GPD2: variants seen among roughly 807,000 people sequenced by gnomAD.
GPD2 encodes the protein glycerol-3-phosphate dehydrogenase, mitochondrial.
A neutral mutation model predicts 82.4 loss-of-function variants in GPD2; 54 were observed. That is an observed-to-expected ratio of 0.66 (90% CI 0.53 to 0.82). GPD2 has a LOEUF of 0.82. GPD2 is among the 40% of genes least tolerant of loss of function. The probability of loss-of-function intolerance (pLI) is 0.00; values close to 1 mark genes in which losing one functional copy is unlikely to be tolerated. For missense variants in GPD2, 748 were observed against 896.2 expected, an observed-to-expected ratio of 0.83 and a Z score of 2.11; for synonymous variants, 288 against 306.1, an observed-to-expected ratio of 0.94 and a Z score of 0.62.
At chr2:156,541,824 G>GTTTTTGT (rs1686326836) in intron 6 of GPD2, among the ~76,000 whole-genome samples, 1 of 81,468 alleles carries the variant, frequency 1.2e-5, no homozygotes, top group Non-Finnish European at 2.2e-5. Flanking sequence ...AATGCTGTTT[G>GTTTTTGT]TTTTTTTTTT....
intron 1 of GPD2, among the ~76,000 whole-genome samples, chr2:156,471,672 A>T (rs1214170729): frequency 1.3e-5 from 2 of 152,184 alleles, no homozygotes; most frequent in Non-Finnish European, 2.9e-5. Flanking sequence ...TCCTGTCTTC[A>T]CTGAAGCCTT....
chr2:156,403,162 T>A, the GPD2 span, among the ~76,000 whole-genome samples: 1 of 146,048 alleles, frequency 6.8e-6, no homozygotes. Context: ...AAAAGTCTTA[T>A]GTAAAACATT....
At chr2:156,522,465 T>C (rs772329128) in intron 6 of GPD2, among the ~76,000 whole-genome samples, 6 of 152,188 alleles carry the variant, frequency 3.9e-5, no homozygotes, top group Non-Finnish European at 8.8e-5. Flanking sequence ...TGTGGTTCAG[T>C]TGACCCATTT....
At chr2:156,498,721 G>A (rs934961343) in intron 3 of GPD2, among the ~76,000 whole-genome samples, 2 of 152,082 alleles carry the variant, frequency 1.3e-5, no homozygotes, top group South Asian at 4.1e-4. Flanking sequence ...ATAAGCATAG[G>A]CTTTCAAGAG....
At chr2:156,544,266 G>A (rs181244606) in intron 6 of GPD2, among the ~76,000 whole-genome samples, 21 of 152,280 alleles carry the variant, frequency 1.4e-4, no homozygotes, top group African/African-American at 5.1e-4. Flanking sequence ...GGTACCATTA[G>A]GCTAACCTGG....
upstream of GPD2, among the ~76,000 whole-genome samples, chr2:156,432,794 A>G (rs543970071): frequency 6.6e-6 from 1 of 152,348 alleles, no homozygotes; most frequent in East Asian, 1.9e-4. Context: ...AGTGGGAACT[A>G]TAGAGCAGAG....
At chr2:156,519,661 A>G (rs1489373622) in intron 6 of GPD2, among the ~76,000 whole-genome samples, 1 of 152,216 alleles carries the variant, frequency 6.6e-6, no homozygotes, top group Non-Finnish European at 1.5e-5. Flanking sequence ...TGGGATCTGC[A>G]ACTGTCCTTA....
chr2:156,538,744 C>A (rs2105318215), intron 6 of GPD2, among the ~76,000 whole-genome samples: 1 of 149,866 alleles, frequency 6.7e-6, no homozygotes, highest in East Asian at 2.0e-4. Flanking sequence ...TGGTGTGAAT[C>A]CAGGAGGGGG....
At chr2:156,447,794 A>G (rs1682419814) in intron 1 of GPD2, among the ~76,000 whole-genome samples, 1 of 152,146 alleles carries the variant, frequency 6.6e-6, no homozygotes, top group African/African-American at 2.4e-5. Context: ...ATCTCTCTGC[A>G]GGTTCTTTGC....
At chr2:156,529,804 G>A (rs1224983760) in intron 6 of GPD2, among the ~76,000 whole-genome samples, 1 of 151,898 alleles carries the variant, frequency 6.6e-6, no homozygotes, top group Non-Finnish European at 1.5e-5. Context: ...CTATATCTCT[G>A]TTTTCGTACC....
At chr2:156,494,069 T>G (rs1359485477) in intron 2 of GPD2, among the ~76,000 whole-genome samples, 4 of 152,022 alleles carry the variant, frequency 2.6e-5, no homozygotes, top group African/African-American at 9.7e-5. Flanking sequence ...TAAATGTATA[T>G]AAAGGTAAAA....
chr2:156,469,255 G>T (rs1172433948), intron 1 of GPD2, among the ~76,000 whole-genome samples: 2 of 152,150 alleles, frequency 1.3e-5, no homozygotes, highest in Non-Finnish European at 2.9e-5. Flanking sequence ...CACCTCCCAG[G>T]TTCACGTGAT....
upstream of GPD2, among the ~76,000 whole-genome samples, chr2:156,432,608 T>C (rs1688330502): frequency 6.6e-6 from 1 of 152,266 alleles, no homozygotes; most frequent in South Asian, 2.1e-4. Context: ...TTTGTTCTTT[T>C]TTAGGGCTGT....
chr2:156,469,260 C>T (rs1374439119), intron 1 of GPD2, among the ~76,000 whole-genome samples: 2 of 152,122 alleles, frequency 1.3e-5, no homozygotes, highest in African/African-American at 2.4e-5. Flanking sequence ...CCCAGGTTCA[C>T]GTGATTTTCC....
At chr2:156,477,055 G>T (rs897574756) in intron 2 of GPD2, among the ~76,000 whole-genome samples, 21 of 152,166 alleles carry the variant, frequency 1.4e-4, no homozygotes, top group African/African-American at 4.6e-4. Flanking sequence ...TATACTTCTT[G>T]TTTCTGTTTC....
At chr2:156,444,080 C>T (rs1682272119) in intron 1 of GPD2, among the ~76,000 whole-genome samples, 1 of 152,164 alleles carries the variant, frequency 6.6e-6, no homozygotes, top group Non-Finnish European at 1.5e-5. Context: ...GGTGGCTGGA[C>T]TGGATGAATT....
At chr2:156,567,163 G>A (rs909322662) in intron 9 of GPD2, among the ~76,000 whole-genome samples, 3 of 151,812 alleles carry the variant, frequency 2.0e-5, no homozygotes, top group Admixed American at 2.0e-4. Flanking sequence ...ATTCTATGAG[G>A]TACCTTTTCA....
chr2:156,535,222 T>C (rs1368249), intron 6 of GPD2, among the ~76,000 whole-genome samples: 98,553 of 150,836 alleles, frequency 0.65, 32,845 homozygotes, highest in Middle Eastern at 0.81. Context: ...AACTGAATGA[T>C]TAATAGGAGG....
chr2:156,512,643 G>A (rs1685043954), intron 5 of GPD2, among the ~76,000 whole-genome samples: 1 of 152,200 alleles, frequency 6.6e-6, no homozygotes, highest in Non-Finnish European at 1.5e-5. Context: ...TGTGCAGACT[G>A]TAAATGGTTG....
Sources: allele counts gnomAD v4.1 joint callset (sites outside exome capture counted in the v4.1 genomes callset), GRCh38; gene constraint gnomAD v4.1.1; transcripts MANE v1.5; gene names NCBI Gene and HGNC (gene_info 2026-07-23, HGNC 2026-07-21).